Variants in SLC25A48 observed in about 807,000 individuals in gnomAD.
SLC25A48 encodes the protein CTC-321K16.1.
Under a neutral mutation model 32.2 loss-of-function variants are expected in SLC25A48, and 29 were observed. That is an observed-to-expected ratio of 0.90 (90% confidence interval 0.67 to 1.23). SLC25A48 has a LOEUF of 1.23. Among genes scored for constraint, SLC25A48 ranks in the 50% most tolerant of loss-of-function variants. SLC25A48 has a pLI of 0.00. For synonymous variants in SLC25A48, 164 were observed against 172.3 expected, an observed-to-expected ratio of 0.95 and a Z score of 0.38; for missense variants, 399 against 422.7, an observed-to-expected ratio of 0.94 and a Z score of 0.49.
intron 3 of SLC25A48, among the ~76,000 whole-genome samples, chr5:135,785,216 C>T (rs564192695): frequency 6.6e-6 from 1 of 152,206 alleles, no homozygotes; most frequent in African/African-American, 2.4e-5. Context: ...GTGTGTTCAC[C>T]CCCCTTGTCC....
intron 4 of SLC25A48, among the ~76,000 whole-genome samples, chr5:135,856,846 C>G (rs1211506356): frequency 6.6e-6 from 1 of 152,210 alleles, no homozygotes; most frequent in East Asian, 1.9e-4. Flanking sequence ...GCATCCAGGC[C>G]CCTGTGCTGG....
At chr5:135,877,130 C>T (rs531091336) in intron 6 of SLC25A48, among the ~76,000 whole-genome samples, 36 of 152,248 alleles carry the variant, frequency 2.4e-4, no homozygotes, top group Non-Finnish European at 4.1e-4. Flanking sequence ...TGGGGAAAAT[C>T]AAAAGTCCAT....
intron 3 of SLC25A48, among the ~76,000 whole-genome samples, chr5:135,710,549 A>G (rs922985411): frequency 2.6e-5 from 4 of 152,236 alleles, no homozygotes; most frequent in African/African-American, 9.6e-5. Context: ...ACATAACAAG[A>G]TCTTTGTGAC....
At chr5:135,763,904 C>T (rs548273941) in intron 3 of SLC25A48, among the ~76,000 whole-genome samples, 3 of 152,272 alleles carry the variant, frequency 2.0e-5, no homozygotes, top group Non-Finnish European at 2.9e-5. Flanking sequence ...GACAGATTCT[C>T]GCTCTGCCGC....
chr5:135,846,729 A>G (rs1365926022), intron 2 of SLC25A48, among the ~76,000 whole-genome samples: 1 of 152,194 alleles, frequency 6.6e-6, no homozygotes, highest in African/African-American at 2.4e-5. Flanking sequence ...TATCCACTGC[A>G]TTCACACAAT....
intron 3 of SLC25A48, among the ~76,000 whole-genome samples, chr5:135,734,551 G>T (rs1271752289): frequency 6.6e-6 from 1 of 151,996 alleles, no homozygotes; most frequent in Non-Finnish European, 1.5e-5. Context: ...GAAGGGGCCG[G>T]GTGCGGTGGC....
At chr5:135,859,050 A>G (rs80152737) in intron 4 of SLC25A48, among the ~76,000 whole-genome samples, 1,646 of 152,258 alleles carry the variant, frequency 0.011, 22 homozygotes, top group African/African-American at 0.035. Flanking sequence ...TTTTCTTTCA[A>G]TTGCTCCTCA....
chr5:135,633,523 C>T (rs913759145), intron 2 of SLC25A48, among the ~76,000 whole-genome samples: 1 of 151,920 alleles, frequency 6.6e-6, no homozygotes, highest in Non-Finnish European at 1.5e-5. Flanking sequence ...CACCTGCAAG[C>T]CAGGAAGAGA....
chr5:135,887,409 G>A (rs1762771822), intron 7 of SLC25A48, among the ~76,000 whole-genome samples: 1 of 151,854 alleles, frequency 6.6e-6, no homozygotes, highest in Admixed American at 6.6e-5. Flanking sequence ...TGACCTCGTG[G>A]GTCCTCTTTG....
At chr5:135,591,731 G>A (rs1751533273) in intron 1 of SLC25A48, among the ~76,000 whole-genome samples, 2 of 152,216 alleles carry the variant, frequency 1.3e-5, no homozygotes, top group Non-Finnish European at 2.9e-5. Flanking sequence ...TGCCTTTCAA[G>A]GAGCGGTTCT....
intron 1 of SLC25A48, among the ~76,000 whole-genome samples, chr5:135,618,061 G>A (rs997691169): frequency 6.6e-6 from 1 of 151,978 alleles, no homozygotes; most frequent in African/African-American, 2.4e-5. Flanking sequence ...TATCCCTTTA[G>A]ATCTAATAAT....
intron 3 of SLC25A48, among the ~76,000 whole-genome samples, chr5:135,768,063 T>C (rs1040444396): frequency 1.3e-5 from 2 of 149,398 alleles, no homozygotes; most frequent in Non-Finnish European, 3.0e-5. Context: ...TTACTCCCAA[T>C]ATCGCAGCGG....
At chr5:135,696,740 G>A (rs1305020193) in intron 3 of SLC25A48, among the ~76,000 whole-genome samples, 3 of 152,134 alleles carry the variant, frequency 2.0e-5, no homozygotes, top group Admixed American at 2.0e-4. Flanking sequence ...GTACACCTGC[G>A]GGAGGCCTCC....
chr5:135,707,683 C>T (rs1227557913), intron 3 of SLC25A48, among the ~76,000 whole-genome samples: 1 of 151,816 alleles, frequency 6.6e-6, no homozygotes, highest in Non-Finnish European at 1.5e-5. Flanking sequence ...ACCTGTGACC[C>T]CCTTAGCAGA....
intron 5 of SLC25A48, chr5:135,872,169 A>AG (rs59202648): frequency 1 from 391,255 of 391,264 alleles, 195,623 homozygotes; most frequent in Middle Eastern, 1. Flanking sequence ...ACAGTATAGC[A>AG]GGACTCTGCA....
In SLC25A48 at chr5:135,608,850, G is replaced by A. The variant is rs544033784; in HGVS notation, c.-848-20387G>A. ...CTGTCAAATGTGAGAGGGATAGTGT[G>A]TGTCCTTTGCTGGACTTGCTGCTTC... On this transcript the variant is annotated intron_variant, in intron 1 of 10. Transcript: ENST00000646290. 8.5e-5 allele frequency among the ~76,000 whole-genome samples: 13 copies of A among 152,342 alleles called. No individual in the cohort carries two copies. The South Asian group carries it at 2.7e-3, about 32-fold the overall frequency.
At position 135,874,738 on chromosome 5, in the gene SLC25A48, C is replaced by A. The variant is rs996821355; in HGVS notation, c.813+584C>A. 5.7e-6 allele frequency: 4 copies of A among 699,314 alleles called. 1 individual carries two copies. Among genetic ancestry groups the A allele is most frequent in the Non-Finnish European group, 1.0e-5 (4 of 383,458 alleles). The allele number at this position is 699,314 out of a possible 1,614,324, so 43.3% of individuals were successfully genotyped here. A position where few individuals can be genotyped will look rare whatever the true frequency, so the allele number is the denominator to read the frequency against. On this transcript the variant is annotated intron_variant, in intron 6 of 7. Transcript: ENST00000681962. ...CAGCTCAAGAGCTTAACTTAACACA[C>A]ACCCCTTCCCACCACCTGAAAAGGT...
chr5:135,774,754 C>T (rs890270908), intron 3 of SLC25A48, among the ~76,000 whole-genome samples: 1 of 149,246 alleles, frequency 6.7e-6, no homozygotes, highest in Admixed American at 6.7e-5. Context: ...ACACCCCCCC[C>T]GTGATATTGA....
chr5:135,658,363 A>G (rs1181619725), intron 3 of SLC25A48, among the ~76,000 whole-genome samples: 1 of 152,198 alleles, frequency 6.6e-6, no homozygotes, highest in East Asian at 1.9e-4. Flanking sequence ...TTCGTGTCTC[A>G]TATCCAGGGC....
Sources: gnomAD v4.1 joint callset for allele counts (sites outside exome capture counted in the v4.1 genomes callset) on GRCh38, gnomAD v4.1.1 for gene constraint, MANE v1.5 for transcripts, NCBI Gene and HGNC (gene_info 2026-07-23, HGNC 2026-07-21) for gene names.